The following FAAH2 variants were observed in gnomAD, a reference collection of about 807,000 sequenced individuals.
FAAH2 encodes the protein fatty-acid amide hydrolase 2.
A neutral mutation model predicts 36.9 loss-of-function variants in FAAH2; 60 were observed. The observed-to-expected ratio is 1.63, with a 90% CI of 1.32 to 2.02. The LOEUF (loss-of-function observed/expected upper bound fraction) is 2.02, where lower values mean the gene tolerates loss of function less well. Ranked by LOEUF, FAAH2 falls within the 30% of genes most tolerant of loss-of-function variation. FAAH2 has a pLI of 0.00. For missense variants in FAAH2, 689 were observed against 397.5 expected (o/e 1.73, Z -6.23); for synonymous variants, 214 against 143.8 (o/e 1.49, Z -3.49).
chrX:57,358,853 C>A (rs987081160), intron 5 of FAAH2, among the ~76,000 whole-genome samples: 1 of 111,243 alleles, frequency 9.0e-6, no homozygotes. Flanking sequence ...ACAAAAATTT[C>A]TGATTCCTCT....
chrX:57,122,556 A>G, the FAAH2 span, among the ~76,000 whole-genome samples: 2 of 112,479 alleles, frequency 1.8e-5, no homozygotes, highest in Admixed American at 9.4e-5. Flanking sequence ...TCTTTAAGGA[A>G]TGTTGAAATA....
chrX:57,135,575 G>A, the FAAH2 span: 1 of 542,700 alleles, frequency 1.8e-6, no homozygotes. Flanking sequence ...ATTGACAGCT[G>A]TTCGTTCCTT....
intron 10 of FAAH2, among the ~76,000 whole-genome samples, chrX:57,478,154 T>G (rs949922624): frequency 1.8e-5 from 2 of 111,915 alleles, no homozygotes; most frequent in Non-Finnish European, 1.9e-5. Context: ...GCACCTGTTG[T>G]TTCCTGACTT....
chrX:57,354,174 A>T (rs192189207), intron 5 of FAAH2, among the ~76,000 whole-genome samples: 6 of 111,281 alleles, frequency 5.4e-5, no homozygotes, highest in African/African-American at 1.3e-4. Flanking sequence ...TAGCAGAGAT[A>T]TGGAATCAAC....
chrX:57,377,850 G>A (rs187119699), intron 5 of FAAH2, among the ~76,000 whole-genome samples: 2 of 111,759 alleles, frequency 1.8e-5, no homozygotes, highest in Admixed American at 9.5e-5. Context: ...TCCTTGAAGA[G>A]GTCCTTCACA....
chrX:57,385,279 T>A (rs1175287599), intron 7 of FAAH2, among the ~76,000 whole-genome samples: 97 of 91,724 alleles, frequency 1.1e-3, no homozygotes, highest in African/African-American at 3.3e-3. Context: ...TAAAGTATAA[T>A]AAAAAAAAAA....
At chrX:57,467,217 C>A (rs1252924376) in intron 10 of FAAH2, among the ~76,000 whole-genome samples, 2 of 111,314 alleles carry the variant, frequency 1.8e-5, no homozygotes, top group African/African-American at 6.5e-5. Flanking sequence ...ACTGAGGTAC[C>A]AGATGCATCT....
the FAAH2 span, among the ~76,000 whole-genome samples, chrX:57,127,777 C>T: frequency 3.6e-5 from 4 of 111,088 alleles, no homozygotes; most frequent in Middle Eastern, 4.7e-3. Context: ...CACCTTCAAT[C>T]ACACTTAACC....
At chrX:57,435,809 A>C (rs1425142319) in intron 8 of FAAH2, among the ~76,000 whole-genome samples, 1 of 111,334 alleles carries the variant, frequency 9.0e-6, no homozygotes, top group Non-Finnish European at 1.9e-5. Flanking sequence ...CAACAAAGAA[A>C]TATTGAACTT....
At chrX:57,454,359 T>C (rs746742079) in intron 10 of FAAH2, among the ~76,000 whole-genome samples, 16 of 111,841 alleles carry the variant, frequency 1.4e-4, no homozygotes, top group Non-Finnish European at 2.4e-4. Context: ...ACATCAACCC[T>C]TACACATGAG....
chrX:57,157,419 C>T, the FAAH2 span, among the ~76,000 whole-genome samples: 4 of 111,787 alleles, frequency 3.6e-5, no homozygotes, highest in Admixed American at 9.5e-5. Flanking sequence ...ATCAGATTCC[C>T]TTCTGGTCCA....
At chrX:57,205,160 G>A in the FAAH2 span, among the ~76,000 whole-genome samples, 1 of 112,479 alleles carries the variant, frequency 8.9e-6, no homozygotes, top group African/African-American at 3.2e-5. Flanking sequence ...TCCAATCTTC[G>A]AGGACTAACT....
chrX:57,314,436 C>A (rs1161823060), intron 3 of FAAH2, among the ~76,000 whole-genome samples: 2 of 111,672 alleles, frequency 1.8e-5, no homozygotes, highest in African/African-American at 6.5e-5. Flanking sequence ...ATGGAATATA[C>A]ATTCAACTCA....
chrX:57,440,797 G>A (rs1333066891), intron 8 of FAAH2, among the ~76,000 whole-genome samples: 1 of 111,095 alleles, frequency 9.0e-6, no homozygotes, highest in Non-Finnish European at 1.9e-5. Flanking sequence ...CTTTATGGAG[G>A]GTTTTTAGCA....
At chrX:57,170,531 G>A in the FAAH2 span, among the ~76,000 whole-genome samples, 1 of 111,360 alleles carries the variant, frequency 9.0e-6, no homozygotes, top group African/African-American at 3.3e-5. Context: ...TAGTGCACCT[G>A]TCACCCGAGT....
chrX:57,216,624 GTATATA>G, the FAAH2 span, among the ~76,000 whole-genome samples: 1 of 57,802 alleles, frequency 1.7e-5, no homozygotes, highest in African/African-American at 5.3e-5. Flanking sequence ...ATATATATAC[GTATATA>G]TATATACGTA....
intron 3 of FAAH2, among the ~76,000 whole-genome samples, chrX:57,324,688 T>G (rs190021372): frequency 8.9e-6 from 1 of 112,296 alleles, no homozygotes; most frequent in Non-Finnish European, 1.9e-5. Flanking sequence ...GCACATTGAT[T>G]TTATATCCTG....
At chrX:57,384,499 C>A (rs1452233035) in intron 7 of FAAH2, among the ~76,000 whole-genome samples, 1 of 110,259 alleles carries the variant, frequency 9.1e-6, no homozygotes, top group Non-Finnish European at 1.9e-5. Context: ...ACAACCCCAT[C>A]AAAAAGTGGG....
At chrX:57,348,390 C>T (rs2053888654) in intron 5 of FAAH2, among the ~76,000 whole-genome samples, 2 of 111,253 alleles carry the variant, frequency 1.8e-5, no homozygotes, top group African/African-American at 3.3e-5. Context: ...CTATTGACTA[C>T]ACTATGTTGA....
Sources: allele counts gnomAD v4.1 joint callset (sites outside exome capture counted in the v4.1 genomes callset), GRCh38; gene constraint gnomAD v4.1.1; transcripts MANE v1.5; gene names NCBI Gene and HGNC (gene_info 2026-07-23, HGNC 2026-07-21).